ITPRID2: variants seen among roughly 807,000 people sequenced by gnomAD.
ITPRID2 encodes the protein protein ITPRID2.
Under a neutral mutation model 124.3 loss-of-function variants are expected in ITPRID2, and 60 were observed. That is an observed-to-expected ratio of 0.48 (90% confidence interval 0.39 to 0.60). The LOEUF (loss-of-function observed/expected upper bound fraction) is 0.60, where lower values mean the gene tolerates loss of function less well. Among genes scored for constraint, ITPRID2 ranks in the 20% least tolerant of loss-of-function variants. The pLI, the probability that ITPRID2 is intolerant of heterozygous loss-of-function variation, is 0.00. For synonymous variants in ITPRID2, 521 were observed against 542.9 expected (o/e 0.96, Z 0.56); for missense variants, 1,553 against 1,512.2 (o/e 1.03, Z -0.45).
In ITPRID2 at chr2:181,897,654, A is replaced by G. The variant is rs148761111; in HGVS notation, c.364+690A>G. Among the ~76,000 whole-genome samples the G allele has an allele frequency of 2.6e-5, 4 of 151,860 alleles. No individual in the cohort carries two copies. The East Asian group carries it at 5.8e-4, about 22-fold the overall frequency. ...TTTTATAGCTCATTGATCAAATTGC[A>G]TAGATTATTCATAGCTGTATAGCTC... On this transcript the variant is annotated intron_variant, in intron 4 of 17. Coordinates refer to ENST00000431877, the MANE Select transcript of ITPRID2 (RefSeq NM_001130445.3).
intron 2 of ITPRID2, chr2:181,894,586 T>G (rs1692030920): frequency 6.6e-6 from 1 of 152,210 alleles, no homozygotes. Context: ...TTGTTTATTA[T>G]GTACAAATGA....
chr2:181,904,298 A>T (rs998966688), intron 8 of ITPRID2, among the ~76,000 whole-genome samples: 4 of 152,128 alleles, frequency 2.6e-5, no homozygotes, highest in Admixed American at 6.5e-5. Context: ...GAAGTACAAG[A>T]TTACATGCAT....
intron 16 of ITPRID2, among the ~76,000 whole-genome samples, chr2:181,925,996 A>T (rs548975801): frequency 1.3e-5 from 2 of 152,194 alleles, no homozygotes; most frequent in African/African-American, 4.8e-5. Flanking sequence ...GAAACCGACG[A>T]GGTGTGGTGG....
intron 7 of ITPRID2, 144 bp from the exon 8 acceptor site, chr2:181,901,614 AGGTTTAAG>A: frequency 2.0e-6 from 1 of 488,996 alleles, no homozygotes. Context: ...AATGTAGAGA[AGGTTTAAG>A]TGTTAGATGA....
chr2:181,925,253 C>T (rs946246701), intron 16 of ITPRID2, among the ~76,000 whole-genome samples: 4 of 152,178 alleles, frequency 2.6e-5, no homozygotes, highest in African/African-American at 9.7e-5. Context: ...GATGTGTTCC[C>T]ACATACTTCA....
rs973322091 is a variant in ITPRID2, at chr2:181,919,814, T to A, written c.3144+368T>A. Among the ~76,000 whole-genome samples the A allele has an allele frequency of 2.6e-5, 4 of 152,084 alleles. No individual in the cohort carries two copies. The highest frequency in any genetic ancestry group is 9.6e-5 in the African/African-American group (4 of 41,454). ...AGATGCATATTTTGCTGTTTTTTTT[T>A]CTTTCATGCCTTTAAATAAAAAAGT... On this transcript the variant is annotated intron_variant, in intron 14 of 17. Transcript: ENST00000431877. This position sits in a 1 kb window ranked among gnomAD's most constrained non-coding sequence, Gnocchi z 4.2.
At chr2:181,894,019 A>G (rs1318398723) in intron 2 of ITPRID2, 1 of 151,844 alleles carries the variant, frequency 6.6e-6, no homozygotes, top group Non-Finnish European at 1.5e-5. Context: ...CTCCAATCTG[A>G]CTCTTTATTT....
chr2:181,895,788 CT>C (rs1422243536), intron 2 of ITPRID2, among the ~76,000 whole-genome samples: 1 of 151,900 alleles, frequency 6.6e-6, no homozygotes, highest in Non-Finnish European at 1.5e-5. Flanking sequence ...ATTTTTGCCC[CT>C]AATTGTTAGC....
chr2:181,929,684 G>A lies in ITPRID2; in HGVS notation c.*137G>A, dbSNP rs1161269229. The A allele has an allele frequency of 3.4e-6, 5 of 1,462,446 alleles. No homozygotes were observed. The East Asian group carries it at 7.1e-5, about 21-fold the overall frequency. 90.6% of individuals were successfully genotyped at this position (1,462,446 alleles called of 1,614,324 possible). A position where few individuals can be genotyped will look rare whatever the true frequency, so the allele number is the denominator to read the frequency against. Reference sequence around the variant, plus strand: ...TGGGCTACTGTATACAGTGTACAATGTGTATTTCTTCAACCATATATTTTA... The same window carrying A: ...TGGGCTACTGTATACAGTGTACAATATGTATTTCTTCAACCATATATTTTA... On this transcript the variant is annotated 3_prime_UTR_variant, in exon 18 of 18. Transcript: ENST00000431877.
Position 181,915,958 on chromosome 2 carries a change from A to G in ITPRID2, c.2318A>G (p.Tyr773Cys), listed in dbSNP as rs200766900. The change falls in exon 11 of 18, where the codon TAT (tyrosine) becomes TGT (cysteine). Residue 773 changes from tyrosine (Y) to cysteine (C), a missense_variant. By Grantham distance (194) the Tyr-to-Cys change is radical. Transcript: ENST00000431877. ...ETRCSPPSFTYKYTPEEEQEL... is the reference protein window; with the variant it reads ...ETRCSPPSFTCKYTPEEEQEL... ...AGATGCAGCCCACCTTCCTTCACCT[A>G]TAAGTACACACCTGAAGAGGAGCAG... is the stretch of plus-strand genomic sequence containing the variant. The G allele has an allele frequency of 2.0e-5, 33 of 1,614,064 alleles. No homozygotes were observed. The highest frequency in any genetic ancestry group is 8.0e-5 in the African/African-American group (6 of 74,922).
chr2:181,908,994 A>G (rs1693381820), intron 8 of ITPRID2, among the ~76,000 whole-genome samples: 1 of 152,136 alleles, frequency 6.6e-6, no homozygotes, highest in Admixed American at 6.5e-5. Context: ...TTCCCTATGT[A>G]TTTAATGTTG....
chr2:181,917,693 C>T (rs1291851226), intron 11 of ITPRID2: 1 of 152,356 alleles, frequency 6.6e-6, no homozygotes, highest in African/African-American at 2.4e-5. Context: ...TCTCTCCAGC[C>T]TCATTCCTTA....
Position 181,919,440 on chromosome 2 carries a change from A to G in ITPRID2, c.3138A>G (p.Ala1046=), listed in dbSNP as rs1239219312. Residue 1046 remains alanine (A), a synonymous_variant, in exon 14 of 18, where the codon GCA becomes GCG. Coordinates refer to ENST00000431877, the MANE Select transcript of ITPRID2 (RefSeq NM_001130445.3). The surrounding 1 kb of genome is among the most constrained non-coding windows in gnomAD (Gnocchi z 4.2). ...VRMPSPFRSS[A]LMGMCGSRSA... is the part of the protein sequence containing the mutation. Reference sequence around the variant, plus strand: ...TGCCTTCACCCTTCCGCTCCTCCGCACTCATGGTACGCTACCTGGAGGGTG... The same window carrying G: ...TGCCTTCACCCTTCCGCTCCTCCGCGCTCATGGTACGCTACCTGGAGGGTG... 19 of 1,583,272 alleles carry G rather than the reference A, an allele frequency of 1.2e-5. No homozygotes were observed. Among genetic ancestry groups the G allele is most frequent in the Non-Finnish European group, 1.6e-5 (19 of 1,165,298 alleles).
rs1695177380 is a variant in ITPRID2 at position 181,930,185 on chromosome 2, A to G, written c.*638A>G. On this transcript the variant is annotated 3_prime_UTR_variant, in exon 18 of 18. Transcript: ENST00000431877. ...GACAAATGTAATTTTATCATTGCTT[A>G]TGTAGTATTTTTCTTTTGGAAATGT... is the stretch of plus-strand genomic sequence containing the variant. 6.6e-6 allele frequency: 1 copy of G among 152,608 alleles called. No individual in the cohort carries two copies. Among genetic ancestry groups the G allele is most frequent in the Admixed American group, 6.5e-5 (1 of 15,274 alleles). 9.5% of individuals were successfully genotyped at this position (152,608 alleles called of 1,614,324 possible).
At position 181,907,759 on chromosome 2, in the gene ITPRID2, T is replaced by C. The variant is rs1693264488; in HGVS notation, c.1414-2140T>C. ...CCTTTTGCACAATTGTGACCAATAA[T>C]AAAATAAGAAATTCACCCATTATCA... On this transcript the variant is annotated intron_variant, in intron 8 of 17. Coordinates refer to ENST00000431877, the MANE Select transcript of ITPRID2 (RefSeq NM_001130445.3). This position sits in a 1 kb window ranked among gnomAD's most constrained non-coding sequence, Gnocchi z 5.1. Among the ~76,000 whole-genome samples, 1 of 152,198 alleles carries C rather than the reference T, an allele frequency of 6.6e-6. No individual in the cohort carries two copies. The highest frequency in any genetic ancestry group is 1.5e-5 in the Non-Finnish European group (1 of 68,034).
Position 181,930,245 on chromosome 2 carries a change from G to C in ITPRID2, c.*698G>C, listed in dbSNP as rs952020737. ...TAAACACTATGTACTTTTACTTTTT[G>C]CATTGTCCAGACTTCTTTATTAGAT... On this transcript the variant is annotated 3_prime_UTR_variant, in exon 18 of 18. Transcript: ENST00000431877. 6.6e-6 allele frequency: 1 copy of C among 152,406 alleles called. No homozygotes were observed. Among genetic ancestry groups the C allele is most frequent in the Non-Finnish European group, 1.5e-5 (1 of 67,948 alleles). The allele number at this position is 152,406 out of a possible 1,614,324, so 9.4% of individuals were successfully genotyped here. A position where few individuals can be genotyped will look rare whatever the true frequency, so the allele number is the denominator to read the frequency against.
Position 181,919,572 on chromosome 2 carries a change from T to C in ITPRID2, c.3144+126T>C, listed in dbSNP as rs1036510144. The C allele has an allele frequency of 1.3e-4, 130 of 966,374 alleles. No homozygotes were observed. Among genetic ancestry groups the C allele is most frequent in the Non-Finnish European group, 1.7e-4 (121 of 707,122 alleles). The allele number at this position is 966,374 out of a possible 1,614,324, so 59.9% of individuals were successfully genotyped here. A position where few individuals can be genotyped will look rare whatever the true frequency, so the allele number is the denominator to read the frequency against. ...TGGTATTAAAAGCATGCATACTGTT[T>C]AAGGAGCTTTCCCACAAATCAGTTG... On this transcript the variant is annotated intron_variant, in intron 14 of 17. Transcript: ENST00000431877. This position sits in a 1 kb window ranked among gnomAD's most constrained non-coding sequence, Gnocchi z 4.2.
intron 6 of ITPRID2, 43 bp downstream of exon 6, chr2:181,899,155 G>C (rs752425060): frequency 2.2e-6 from 3 of 1,342,734 alleles, no homozygotes; most frequent in South Asian, 1.3e-5. Context: ...TTGTGCTATA[G>C]ATGACCTACT....
chr2:181,904,468 C>T (rs1482200646), intron 8 of ITPRID2, among the ~76,000 whole-genome samples: 3 of 143,942 alleles, frequency 2.1e-5, no homozygotes, highest in African/African-American at 7.7e-5. Context: ...CCTAAGGGAA[C>T]ATTAAAGAGA....
Sources: allele counts gnomAD v4.1 joint callset (sites outside exome capture counted in the v4.1 genomes callset), GRCh38; gene constraint gnomAD v4.1.1; non-coding constraint Gnocchi (gnomAD v3.1); transcripts MANE v1.5; gene names NCBI Gene and HGNC (gene_info 2026-07-23, HGNC 2026-07-21).